ZFYVE28: variants seen among roughly 807,000 people sequenced by gnomAD.
The protein encoded by ZFYVE28 is lateral signaling target protein 2 homolog.
Under a neutral mutation model 82.1 loss-of-function variants are expected in ZFYVE28, and 40 were observed. That is an observed-to-expected ratio of 0.49 (90% confidence interval 0.38 to 0.63). The LOEUF is 0.63. Ranked by LOEUF, ZFYVE28 falls within the 30% of genes least tolerant of loss-of-function variation. ZFYVE28 has a pLI of 0.00. For synonymous variants in ZFYVE28, 612 were observed against 546.1 expected (o/e 1.12, Z -1.68); for missense variants, 1,321 against 1,242.1 (o/e 1.06, Z -0.96).
intron 1 of ZFYVE28, among the ~76,000 whole-genome samples, chr4:2,387,771 A>G (rs1729426587): frequency 1.3e-5 from 2 of 152,256 alleles, no homozygotes; most frequent in African/African-American, 2.4e-5. Flanking sequence ...GGTGGCCATC[A>G]TGACGGGCTG....
intron 1 of ZFYVE28, among the ~76,000 whole-genome samples, chr4:2,356,479 C>T (rs1725350236): frequency 6.9e-6 from 1 of 144,936 alleles, no homozygotes; most frequent in South Asian, 2.3e-4. Flanking sequence ...GGTGTGCTCA[C>T]AGATGCCAGA....
rs1578175351 is a variant in ZFYVE28 at position 2,341,663 on chromosome 4, G to A, written c.181-48C>T. The A allele has an allele frequency of 4.4e-6, 7 of 1,587,130 alleles. No individual in the cohort carries two copies. The East Asian group carries it at 1.4e-4, about 31-fold the overall frequency. ...GTGCGCCAATCGCTGTGTCCAGCTG[G>A]CGGCCGCCATGTACTGCTGGAAAAC... On this transcript the variant is annotated intron_variant, in intron 2 of 12. Transcript: ENST00000290974. The surrounding 1 kb of genome is among the most constrained non-coding windows in gnomAD (Gnocchi z 4.5).
rs898741663 is a variant in ZFYVE28 at position 2,312,600 on chromosome 4, C to T, written c.804-7064G>A. Among the ~76,000 whole-genome samples the T allele has an allele frequency of 8.6e-5, 13 of 151,694 alleles. No homozygotes were observed. In the East Asian group the frequency reaches 1.8e-3, roughly 20 times the overall value. ...AAAATTAGCCGGGTGTGGTGGCGGG[C>T]GCCTGTAGTCCCAGCTACTCGGGAG... On this transcript the variant is annotated intron_variant, in intron 7 of 12. Coordinates refer to ENST00000290974, the MANE Select transcript of ZFYVE28 (RefSeq NM_020972.3).
At position 2,337,451 on chromosome 4, in the gene ZFYVE28, G is replaced by C; in HGVS notation, c.567C>G (p.Tyr189Ter). 1 of 1,610,844 alleles carries C rather than the reference G, an allele frequency of 6.2e-7. No homozygotes were observed. The highest frequency in any genetic ancestry group is 8.5e-7 in the Non-Finnish European group (1 of 1,178,378). The change falls in exon 5 of 13, where the codon TAC becomes TAG. Residue 189 changes from tyrosine (Y) to a stop codon, truncating the protein, a stop_gained. Transcript: ENST00000290974. LOFTEE classifies it high-confidence loss of function. The stretch of plus-strand genomic sequence containing the variant: ...AGAGCACGATGACCTCCTGCTGCAC[G>C]TAGTACTCCCTGGGGGACTTCACAG... The part of the protein sequence containing the change: ...MVPVKSPREY[Y>*]VQQEVIVLFC...
chr4:2,402,114 G>A (rs1731249075), intron 1 of ZFYVE28, among the ~76,000 whole-genome samples: 1 of 152,210 alleles, frequency 6.6e-6, no homozygotes, highest in African/African-American at 2.4e-5. Flanking sequence ...CCCTGGCGCT[G>A]GAGGAGGGAC....
At chr4:2,317,074 C>T (rs989037679) in intron 7 of ZFYVE28, among the ~76,000 whole-genome samples, 6 of 150,878 alleles carry the variant, frequency 4.0e-5, no homozygotes, top group African/African-American at 9.8e-5. Context: ...CTGCAACCTC[C>T]ACCTCCTGGG....
rs554370259 is a variant in ZFYVE28 at position 2,304,113 on chromosome 4, C to T, written c.2051+176G>A. Among the ~76,000 whole-genome samples, 7 of 152,374 alleles carry T rather than the reference C, an allele frequency of 4.6e-5. No individual in the cohort carries two copies. The South Asian group carries it at 1.2e-3, about 27-fold the overall frequency. On this transcript the variant is annotated intron_variant, in intron 8 of 12. Coordinates refer to ENST00000290974, the MANE Select transcript of ZFYVE28 (RefSeq NM_020972.3). Reference sequence around the variant, plus strand: ...CCCCACAGGGCAGGTGCCTCTGCAGCCAGCTCCTGCCCCTGCCCCTCCTCA... The same window carrying T: ...CCCCACAGGGCAGGTGCCTCTGCAGTCAGCTCCTGCCCCTGCCCCTCCTCA...
chr4:2,353,930 C>T lies in ZFYVE28; in HGVS notation c.180+3G>A, dbSNP rs747141343. On this transcript the variant is annotated splice_donor_region_variant and intron_variant, in intron 2 of 12. Transcript: ENST00000290974. ...AGCCAGCTTCTGCTGCCCCGTGGCT[C>T]ACCTGACAGGAGCGGAACTGGCTGA... 6.6e-7 allele frequency: 1 copy of T among 1,515,772 alleles called. No homozygotes were observed. Among genetic ancestry groups the T allele is most frequent in the African/African-American group, 1.4e-5 (1 of 71,034 alleles). The allele number at this position is 1,515,772 out of a possible 1,614,324, so 93.9% of individuals were successfully genotyped here.
At chr4:2,273,854 C>T (rs1736145265) in intron 9 of ZFYVE28, among the ~76,000 whole-genome samples, 2 of 152,148 alleles carry the variant, frequency 1.3e-5, no homozygotes, top group African/African-American at 2.4e-5. Context: ...ACGCCTCCCA[C>T]CCTCACCCGC....
intron 8 of ZFYVE28, 58 bp downstream of exon 8, chr4:2,304,231 C>T (rs377457044): frequency 1.1e-5 from 16 of 1,500,318 alleles, no homozygotes; most frequent in Non-Finnish European, 1.4e-5. Context: ...AATGCGCCAG[C>T]ACCTGCCCCC....
intron 6 of ZFYVE28, among the ~76,000 whole-genome samples, chr4:2,327,138 T>C (rs1196730946): frequency 6.6e-6 from 1 of 151,350 alleles, no homozygotes; most frequent in Non-Finnish European, 1.5e-5. Flanking sequence ...TAGTCCCAGC[T>C]GCTCAGGAGG....
intron 1 of ZFYVE28, among the ~76,000 whole-genome samples, chr4:2,357,448 C>A (rs987488542): frequency 6.6e-6 from 1 of 152,240 alleles, no homozygotes; most frequent in Non-Finnish European, 1.5e-5. Context: ...GCTGAGCTCG[C>A]AGCCTGCCCA....
chr4:2,297,662 C>T (rs991597399), intron 8 of ZFYVE28, among the ~76,000 whole-genome samples: 1 of 152,244 alleles, frequency 6.6e-6, no homozygotes, highest in Non-Finnish European at 1.5e-5. Flanking sequence ...AATCTGGGAG[C>T]AAGGTGAGCA....
intron 1 of ZFYVE28, among the ~76,000 whole-genome samples, chr4:2,395,954 A>G (rs1730400359): frequency 6.6e-6 from 1 of 152,274 alleles, no homozygotes; most frequent in South Asian, 2.1e-4. Context: ...ACACTACATG[A>G]CATTGCCTGT....
At chr4:2,291,940 G>T (rs993854195) in intron 8 of ZFYVE28, among the ~76,000 whole-genome samples, 4 of 152,194 alleles carry the variant, frequency 2.6e-5, no homozygotes, top group African/African-American at 9.7e-5. Flanking sequence ...TGCAGGGAGA[G>T]TCAGGGATGT....
intron 1 of ZFYVE28, among the ~76,000 whole-genome samples, chr4:2,369,130 C>T (rs942407527): frequency 1.1e-4 from 16 of 152,248 alleles, no homozygotes; most frequent in African/African-American, 3.9e-4. Context: ...AGACCATACA[C>T]TAAGGGCAGG....
rs959563744 is a variant in ZFYVE28, at chr4:2,341,856, C to A, written c.181-241G>T. On this transcript the variant is annotated intron_variant, in intron 2 of 12. Transcript: ENST00000290974. This position sits in a 1 kb window ranked among gnomAD's most constrained non-coding sequence, Gnocchi z 4.5. The stretch of plus-strand genomic sequence containing the variant: ...CCAACATGGCGAAACCCCATCTCTA[C>A]TAAAAATACAAAAATTAGCCGGGCG... 1.3e-5 allele frequency among the ~76,000 whole-genome samples: 2 copies of A among 152,196 alleles called. No individual in the cohort carries two copies. The highest frequency in any genetic ancestry group is 4.8e-5 in the African/African-American group (2 of 41,438).
intron 7 of ZFYVE28, among the ~76,000 whole-genome samples, chr4:2,310,090 G>C (rs1360521358): frequency 6.6e-6 from 1 of 151,896 alleles, no homozygotes; most frequent in South Asian, 2.1e-4. Flanking sequence ...CCAGGCTGGA[G>C]TGCAGTGGCC....
chr4:2,383,453 A>T (rs1043609127), intron 1 of ZFYVE28, among the ~76,000 whole-genome samples: 2 of 152,130 alleles, frequency 1.3e-5, no homozygotes, highest in Non-Finnish European at 2.9e-5. Flanking sequence ...GCCACGTGGA[A>T]CTACAAGTCT....
Sources: allele counts gnomAD v4.1 joint callset (sites outside exome capture counted in the v4.1 genomes callset), GRCh38; gene constraint gnomAD v4.1.1; non-coding constraint Gnocchi (gnomAD v3.1); transcripts MANE v1.5; gene names NCBI Gene and HGNC (gene_info 2026-07-23, HGNC 2026-07-21).